The following PRKN variants were observed in gnomAD, a reference collection of about 807,000 sequenced individuals.
The protein encoded by PRKN is E3 ubiquitin-protein ligase parkin.
Under a neutral mutation model 59.5 loss-of-function variants are expected in PRKN, and 56 were observed. That is an observed-to-expected ratio of 0.94 (90% confidence interval 0.76 to 1.18). PRKN has a LOEUF of 1.18. Among genes scored for constraint, PRKN ranks in the 50% most tolerant of loss-of-function variants. The pLI is 0.00. For synonymous variants in PRKN, 250 were observed against 222.1 expected, an observed-to-expected ratio of 1.13 and a Z score of -1.12; for missense variants, 657 against 596.4, an observed-to-expected ratio of 1.10 and a Z score of -1.06.
intron 7 of PRKN, among the ~76,000 whole-genome samples, chr6:161,647,991 G>A (rs1469297647): frequency 1.3e-5 from 2 of 152,170 alleles, no homozygotes; most frequent in African/African-American, 4.8e-5. Context: ...CTATAGCATT[G>A]CTATTTCATC....
At chr6:161,559,975 C>G (rs1376625635) in intron 8 of PRKN, among the ~76,000 whole-genome samples, 1 of 152,192 alleles carries the variant, frequency 6.6e-6, no homozygotes, top group Admixed American at 6.5e-5. Flanking sequence ...CAGGTAACAA[C>G]AGCCAGGTGC....
chr6:162,186,684 T>C (rs891112054), intron 4 of PRKN, among the ~76,000 whole-genome samples: 1 of 152,190 alleles, frequency 6.6e-6, no homozygotes, highest in Non-Finnish European at 1.5e-5. Flanking sequence ...ATGAGTGGCT[T>C]AGCGCCATCC....
At chr6:162,555,981 C>CAAAAAAA (rs772336975) in intron 1 of PRKN, among the ~76,000 whole-genome samples, 1,383 of 90,260 alleles carry the variant, frequency 0.015, 61 homozygotes, top group African/African-American at 0.054. Context: ...AACTCCATCT[C>CAAAAAAA]AAAAAAAAAA....
At position 161,874,906 on chromosome 6, in the gene PRKN, TATTATAAAA is replaced by T. The variant is rs1450914833; in HGVS notation, c.735-89007_735-88999del. Among the ~76,000 whole-genome samples, 586 of 109,222 alleles carry T rather than the reference TATTATAAAA, an allele frequency of 5.4e-3. 28 individuals carry two copies. Among genetic ancestry groups the T allele is most frequent in the African/African-American group, 0.022 (545 of 24,724 alleles). The allele number at this position is 109,222 out of a possible 152,430, so 71.7% of individuals were successfully genotyped here. A position where few individuals can be genotyped will look rare whatever the true frequency, so the allele number is the denominator to read the frequency against. On this transcript the variant is annotated intron_variant, in intron 6 of 11. Coordinates refer to ENST00000366898, the MANE Select transcript of PRKN (RefSeq NM_004562.3). The stretch of plus-strand genomic sequence containing the variant: ...TATATAATATATAATATATAATATA[TATTATAAAA>T]TATAAAATATAAAATATAATATAAT...
In PRKN at chr6:161,413,858, C is replaced by G. The variant is rs1211078826; in HGVS notation, c.1084-26981G>C. On this transcript the variant is annotated intron_variant, in intron 9 of 11. Coordinates refer to ENST00000366898, the MANE Select transcript of PRKN (RefSeq NM_004562.3). The surrounding 1 kb of genome is among the most constrained non-coding windows in gnomAD (Gnocchi z 4.4). Reference sequence around the variant, plus strand: ...CTGAGAGGACAGGGAGCATTTACAGCATGAAGTCAGGCAGGGTGAGCCTCA... The same window carrying G: ...CTGAGAGGACAGGGAGCATTTACAGGATGAAGTCAGGCAGGGTGAGCCTCA... Among the ~76,000 whole-genome samples, 4 of 152,260 alleles carry G rather than the reference C, an allele frequency of 2.6e-5. No homozygotes were observed. In the South Asian group the frequency reaches 8.3e-4, roughly 32 times the overall value.
rs536007629 is a variant in PRKN at position 161,795,422 on chromosome 6, T to TG, written c.735-9515dup. On this transcript the variant is annotated intron_variant, in intron 6 of 11. Transcript: ENST00000366898. Reference sequence around the variant, plus strand: ...TAATCTTTCCTATTTTTGGTAGAGATGGGGTCTCGCCATGTTGGCCAGGCT... The same window carrying TG: ...TAATCTTTCCTATTTTTGGTAGAGATGGGGGTCTCGCCATGTTGGCCAGGCT... 3.2e-3 allele frequency among the ~76,000 whole-genome samples: 485 copies of TG among 151,692 alleles called. 2 individuals carry two copies. Among genetic ancestry groups the TG allele is most frequent in the Middle Eastern group, 0.017 (5 of 288 alleles).
intron 1 of PRKN, among the ~76,000 whole-genome samples, chr6:162,491,418 CCAGA>C (rs1369382927): frequency 6.6e-6 from 1 of 152,182 alleles, no homozygotes; most frequent in African/African-American, 2.4e-5. Context: ...TCTCCAGGGC[CCAGA>C]CAGAGGTGAC....
At chr6:161,898,047 A>G (rs1777725495) in intron 6 of PRKN, among the ~76,000 whole-genome samples, 1 of 151,842 alleles carries the variant, frequency 6.6e-6, no homozygotes, top group Admixed American at 6.6e-5. Flanking sequence ...ATCAAGAACA[A>G]ATCTCTGATT....
chr6:162,030,313 T>A (rs1783589639), intron 5 of PRKN, among the ~76,000 whole-genome samples: 1 of 152,194 alleles, frequency 6.6e-6, no homozygotes, highest in Admixed American at 6.5e-5. Context: ...TCTCCACTGA[T>A]GAAATCACTG....
rs146233149 is a variant in PRKN at position 161,740,264 on chromosome 6, T to C, written c.871+45508A>G. Among the ~76,000 whole-genome samples the C allele has an allele frequency of 1.8e-3, 269 of 152,356 alleles. 2 individuals carry two copies. The highest frequency in any genetic ancestry group is 6.2e-3 in the African/African-American group (259 of 41,592). On this transcript the variant is annotated intron_variant, in intron 7 of 11. Coordinates refer to ENST00000366898, the MANE Select transcript of PRKN (RefSeq NM_004562.3). ...ATGATTAATTTTATGGATCCTCGAA[T>C]GGGAGCTATGCATACGCACTTTGTC...
At chr6:162,389,640 T>C (rs1460390965) in intron 2 of PRKN, among the ~76,000 whole-genome samples, 1 of 152,224 alleles carries the variant, frequency 6.6e-6, no homozygotes, top group Non-Finnish European at 1.5e-5. Flanking sequence ...GCATGTTAAT[T>C]TGCTACTAAT....
intron 5 of PRKN, among the ~76,000 whole-genome samples, chr6:161,990,230 C>G (rs1243740943): frequency 6.6e-6 from 1 of 152,228 alleles, no homozygotes; most frequent in Non-Finnish European, 1.5e-5. Context: ...ACTGCAACCT[C>G]TACTAACAAG....
At chr6:162,431,260 T>A (rs201515124) in intron 2 of PRKN, among the ~76,000 whole-genome samples, 1 of 120,130 alleles carries the variant, frequency 8.3e-6, no homozygotes, top group Non-Finnish European at 1.7e-5. Flanking sequence ...TGGATAGTAA[T>A]TGAGAATGCG....
At chr6:161,837,587 A>C (rs932184203) in intron 6 of PRKN, among the ~76,000 whole-genome samples, 3 of 145,896 alleles carry the variant, frequency 2.1e-5, no homozygotes, top group African/African-American at 5.6e-5. Flanking sequence ...AAAAAAAAAA[A>C]AACAACCCAT....
chr6:161,849,562 T>C (rs894808355), intron 6 of PRKN, among the ~76,000 whole-genome samples: 1 of 152,106 alleles, frequency 6.6e-6, no homozygotes, highest in East Asian at 1.9e-4. Context: ...TCCCATAGGG[T>C]CACAGACCAT....
chr6:162,013,548 ATGTG>A (rs1782817919), intron 5 of PRKN, among the ~76,000 whole-genome samples: 1 of 152,142 alleles, frequency 6.6e-6, no homozygotes, highest in African/African-American at 2.4e-5. Context: ...AAGCTAGGAA[ATGTG>A]TGTGTTATAC....
Position 162,161,050 on chromosome 6 carries a change from C to A in PRKN, c.534+40081G>T, listed in dbSNP as rs190212116. On this transcript the variant is annotated intron_variant, in intron 4 of 11. Transcript: ENST00000366898. ...GGATGGCTCTGGACCACCACCACCC[C>A]CTGCATTCTAATTTGAGAGTAGATA... 7.9e-5 allele frequency among the ~76,000 whole-genome samples: 12 copies of A among 152,262 alleles called. No homozygotes were observed. The East Asian group carries it at 1.9e-3, about 25-fold the overall frequency.
intron 6 of PRKN, among the ~76,000 whole-genome samples, chr6:161,856,543 T>A (rs546918249): frequency 6.6e-6 from 1 of 152,160 alleles, no homozygotes. Flanking sequence ...ATACTGTTTT[T>A]TTAGTAGCAC....
At chr6:162,229,544 A>G (rs1461468977) in intron 3 of PRKN, among the ~76,000 whole-genome samples, 2 of 152,216 alleles carry the variant, frequency 1.3e-5, no homozygotes, top group African/African-American at 2.4e-5. Flanking sequence ...TCCTTTGCTC[A>G]GCACCTGCTG....
Sources: allele counts gnomAD v4.1 joint callset (sites outside exome capture counted in the v4.1 genomes callset), GRCh38; gene constraint gnomAD v4.1.1; non-coding constraint Gnocchi (gnomAD v3.1); transcripts MANE v1.5; gene names NCBI Gene and HGNC (gene_info 2026-07-23, HGNC 2026-07-21).